Variants in LARGE1 observed in about 807,000 individuals in gnomAD.
The protein encoded by LARGE1 is xylosyl- and glucuronyltransferase LARGE1.
LARGE1 carries 43 observed loss-of-function variants against 87.6 expected under a neutral mutation model. The observed-to-expected ratio is 0.49, with a 90% CI of 0.38 to 0.63. The LOEUF is 0.63. Among genes scored for constraint, LARGE1 ranks in the 30% least tolerant of loss-of-function variants. The pLI is 0.00. For synonymous variants in LARGE1, 434 were observed against 394.6 expected (o/e 1.10, Z -1.18); for missense variants, 802 against 1,000.2 (o/e 0.80, Z 2.67).
chr22:33,393,160 G>C (rs1175175949), intron 7 of LARGE1, among the ~76,000 whole-genome samples: 1 of 152,190 alleles, frequency 6.6e-6, no homozygotes, highest in African/African-American at 2.4e-5. Context: ...ATTGATATGA[G>C]CTTATAAGAC....
intron 2 of LARGE1, among the ~76,000 whole-genome samples, chr22:33,663,177 CAGG>C (rs1408634715): frequency 6.6e-6 from 1 of 152,090 alleles, no homozygotes; most frequent in Non-Finnish European, 1.5e-5. Flanking sequence ...AAGATTTCAT[CAGG>C]AGTTCAGCTT....
At chr22:33,491,640 G>A (rs970864849) in intron 6 of LARGE1, among the ~76,000 whole-genome samples, 10 of 152,212 alleles carry the variant, frequency 6.6e-5, no homozygotes, top group African/African-American at 2.2e-4. Context: ...ATCACAAGGA[G>A]CTCTGCCTAG....
intron 10 of LARGE1, among the ~76,000 whole-genome samples, chr22:33,330,618 T>C (rs930827149): frequency 2.0e-5 from 3 of 152,224 alleles, no homozygotes; most frequent in African/African-American, 7.2e-5. Context: ...AAATGCTTAC[T>C]GCACTACATA....
chr22:33,699,360 C>T (rs1319475167), intron 2 of LARGE1, among the ~76,000 whole-genome samples: 6 of 152,034 alleles, frequency 3.9e-5, no homozygotes, highest in East Asian at 3.8e-4. Flanking sequence ...TTCTTTTAAC[C>T]GCTATGAACC....
intron 6 of LARGE1, among the ~76,000 whole-genome samples, chr22:33,561,940 A>G (rs1246205775): frequency 1.3e-5 from 2 of 152,206 alleles, no homozygotes; most frequent in Non-Finnish European, 2.9e-5. Flanking sequence ...CAGCGCCACA[A>G]AGGAATCAAG....
intron 11 of LARGE1, among the ~76,000 whole-genome samples, chr22:33,267,360 A>G (rs150478675): frequency 3.3e-5 from 5 of 151,910 alleles, no homozygotes; most frequent in Admixed American, 1.3e-4. Flanking sequence ...GCGATTGCTT[A>G]AAGATAGCTC....
chr22:33,297,981 A>C (rs77536354), intron 12 of LARGE1, among the ~76,000 whole-genome samples: 2 of 129,470 alleles, frequency 1.5e-5, no homozygotes, highest in African/African-American at 7.8e-5. Context: ...CATCATCTCA[A>C]AAAAAAAAAA....
intron 6 of LARGE1, among the ~76,000 whole-genome samples, chr22:33,449,177 G>C (rs986861702): frequency 1.3e-5 from 2 of 152,100 alleles, no homozygotes; most frequent in Admixed American, 6.6e-5. Context: ...AGTTAAGCCT[G>C]AGATCCAAGC....
intron 1 of LARGE1, among the ~76,000 whole-genome samples, chr22:33,883,918 G>A (rs2064771152): frequency 6.6e-6 from 1 of 152,200 alleles, no homozygotes; most frequent in Admixed American, 6.5e-5. Flanking sequence ...AGGAGACACA[G>A]TATGTTTTCC....
At chr22:33,834,487 C>T (rs533909173) in intron 1 of LARGE1, among the ~76,000 whole-genome samples, 1 of 152,256 alleles carries the variant, frequency 6.6e-6, no homozygotes, top group Admixed American at 6.5e-5. Context: ...CTTGTGTCCC[C>T]CACCCCTGCC....
At chr22:33,320,875 C>A (rs1198290036) in intron 10 of LARGE1, 1 of 152,274 alleles carries the variant, frequency 6.6e-6, no homozygotes. Flanking sequence ...CTGGCAGCCT[C>A]ATCCAACAGT....
intron 2 of LARGE1, among the ~76,000 whole-genome samples, chr22:33,751,898 G>A (rs1450758795): frequency 2.0e-5 from 3 of 151,952 alleles, no homozygotes; most frequent in Admixed American, 6.6e-5. Flanking sequence ...CTCCCTAGTA[G>A]GTGGGGCTAC....
At chr22:33,257,661 C>A (rs886419633) in intron 11 of LARGE1, among the ~76,000 whole-genome samples, 1 of 152,062 alleles carries the variant, frequency 6.6e-6, no homozygotes, top group South Asian at 2.1e-4. Context: ...TCATCTCAAC[C>A]AACTCTCCCA....
At chr22:33,878,123 G>GTCTTTTTTTTTTTT in intron 1 of LARGE1, among the ~76,000 whole-genome samples, 1 of 61,518 alleles carries the variant, frequency 1.6e-5, no homozygotes, top group South Asian at 5.0e-4. Context: ...TGTTTATATT[G>GTCTTTTTTTTTTTT]TATTTCTTTT....
intron 1 of LARGE1, among the ~76,000 whole-genome samples, chr22:33,762,981 G>A (rs1351296805): frequency 6.6e-6 from 1 of 152,188 alleles, no homozygotes; most frequent in Non-Finnish European, 1.5e-5. Context: ...CAGCTGGCTT[G>A]GTTCTCCCCT....
intron 11 of LARGE1, among the ~76,000 whole-genome samples, chr22:33,233,565 A>C (rs1194678996): frequency 6.6e-6 from 1 of 152,150 alleles, no homozygotes; most frequent in African/African-American, 2.4e-5. Flanking sequence ...ATGCATGATC[A>C]AGTTTCCTGG....
intron 6 of LARGE1, among the ~76,000 whole-genome samples, chr22:33,464,641 A>G (rs2068514874): frequency 6.6e-6 from 1 of 152,216 alleles, no homozygotes; most frequent in Admixed American, 6.5e-5. Flanking sequence ...GAAAAAATGC[A>G]AATTAATATC....
chr22:33,811,560 TC>T (rs1375906522), intron 1 of LARGE1, among the ~76,000 whole-genome samples: 1 of 152,102 alleles, frequency 6.6e-6, no homozygotes, highest in African/African-American at 2.4e-5. Flanking sequence ...AAAAAAGATT[TC>T]CCAAATATTC....
At chr22:33,682,551 T>C (rs2081808307) in intron 2 of LARGE1, among the ~76,000 whole-genome samples, 5 of 152,256 alleles carry the variant, frequency 3.3e-5, no homozygotes, top group Admixed American at 3.3e-4. Context: ...ACATTGGCAC[T>C]TCCTGATTGG....
Sources: gnomAD v4.1 joint callset for allele counts (sites outside exome capture counted in the v4.1 genomes callset) on GRCh38, gnomAD v4.1.1 for gene constraint, MANE v1.5 for transcripts, NCBI Gene and HGNC (gene_info 2026-07-23, HGNC 2026-07-21) for gene names.